Variants in HFM1 observed in about 807,000 individuals in gnomAD.
HFM1 encodes probable ATP-dependent DNA helicase HFM1.
HFM1 carries 169 observed loss-of-function variants against 192.1 expected under a neutral mutation model. The ratio of observed to expected loss-of-function variants is 0.88; its 90% confidence interval spans 0.78 to 1.00. The LOEUF is 1.00. Among genes scored for constraint, HFM1 ranks in the 50% least tolerant of loss-of-function variants. The pLI is 0.00. For synonymous variants in HFM1, 525 were observed against 537.8 expected (o/e 0.98, Z 0.33); for missense variants, 1,661 against 1,668.0 (o/e 1.00, Z 0.07).
Position 91,316,320 on chromosome 1 carries a change from A to C in HFM1, c.2898+71T>G, listed in dbSNP as rs1651214700. 2.8e-6 allele frequency: 3 copies of C among 1,060,084 alleles called. No homozygotes were observed. The African/African-American group carries it at 4.8e-5, about 17-fold the overall frequency. 65.7% of individuals were successfully genotyped at this position (1,060,084 alleles called of 1,614,324 possible). A position where few individuals can be genotyped will look rare whatever the true frequency, so the allele number is the denominator to read the frequency against. ...AAATACTTATAACTATGAGAAGGAAAATAACTTTTAATAGAAATAAAGGTA... is the reference window on the plus strand; with the variant it reads ...AAATACTTATAACTATGAGAAGGAACATAACTTTTAATAGAAATAAAGGTA... On this transcript the variant is annotated intron_variant, in intron 26 of 38. Coordinates refer to ENST00000370425, the MANE Select transcript of HFM1 (RefSeq NM_001017975.6).
rs1457260811 is a variant in HFM1, at chr1:91,385,037, C to T, written c.802+150G>A. Reference sequence around the variant, plus strand: ...GAATTACAGGTGTGAACCACCGCACCCGGCCACATGTACCTCTTACAACAC... The same window carrying T: ...GAATTACAGGTGTGAACCACCGCACTCGGCCACATGTACCTCTTACAACAC... On this transcript the variant is annotated intron_variant, in intron 6 of 38. Coordinates refer to ENST00000370425, the MANE Select transcript of HFM1 (RefSeq NM_001017975.6). 8.9e-6 allele frequency: 5 copies of T among 560,142 alleles called. No homozygotes were observed. The Admixed American group carries it at 1.4e-4, about 16-fold the overall frequency. The allele number at this position is 560,142 out of a possible 1,614,324, so 34.7% of individuals were successfully genotyped here.
chr1:91,325,790 G>C (rs954989637), intron 20 of HFM1, among the ~76,000 whole-genome samples: 1 of 152,112 alleles, frequency 6.6e-6, no homozygotes, highest in Admixed American at 6.5e-5. Context: ...TAGAAAAAGA[G>C]AGATATGTGA....
intron 30 of HFM1, among the ~76,000 whole-genome samples, chr1:91,293,943 G>A (rs1449284792): frequency 2.4e-4 from 35 of 148,558 alleles, no homozygotes; most frequent in African/African-American, 6.0e-4. Context: ...GCAAACTATC[G>A]CAAGAACAAA....
chr1:91,299,888 A>T (rs1484930872), intron 30 of HFM1, among the ~76,000 whole-genome samples: 1 of 152,218 alleles, frequency 6.6e-6, no homozygotes, highest in Admixed American at 6.5e-5. Flanking sequence ...GAGAAGTAAG[A>T]GCAAACACAT....
intron 30 of HFM1, among the ~76,000 whole-genome samples, chr1:91,278,574 A>G (rs1667170088): frequency 6.6e-6 from 1 of 152,160 alleles, no homozygotes; most frequent in Non-Finnish European, 1.5e-5. Flanking sequence ...AAAACTTTAC[A>G]ACATTTCTTG....
chr1:91,265,869 T>G (rs1822056), intron 36 of HFM1, 148 bp downstream of exon 36: 470,908 of 1,065,578 alleles, frequency 0.44, 106,461 homozygotes, highest in African/African-American at 0.64. Flanking sequence ...AACAGCACTT[T>G]GAGAAATACA....
intron 11 of HFM1, chr1:91,377,735 C>A: frequency 8.0e-6 from 3 of 375,960 alleles, no homozygotes; most frequent in Non-Finnish European, 1.4e-5. Context: ...ACAACCATCA[C>A]ATATTGTTAG....
chr1:91,321,412 T>A (rs1652085510), intron 23 of HFM1, among the ~76,000 whole-genome samples: 1 of 151,700 alleles, frequency 6.6e-6, no homozygotes, highest in African/African-American at 2.4e-5. Context: ...CCCTTGCACT[T>A]GAGCCTGGGC....
chr1:91,302,586 G>T (rs6605056), intron 30 of HFM1, among the ~76,000 whole-genome samples: 152,020 of 152,202 alleles, frequency 1, 75,919 homozygotes, highest in Non-Finnish European at 1. Flanking sequence ...ATATACACCA[G>T]GGAATACTAT....
At chr1:91,287,402 C>G (rs1321903140) in intron 30 of HFM1, among the ~76,000 whole-genome samples, 1 of 152,064 alleles carries the variant, frequency 6.6e-6, no homozygotes, top group Non-Finnish European at 1.5e-5. Context: ...CAGGGGCAGA[C>G]TGACACCTCA....
intron 13 of HFM1, among the ~76,000 whole-genome samples, chr1:91,373,350 T>C (rs1185115703): frequency 6.6e-6 from 1 of 152,066 alleles, no homozygotes; most frequent in Non-Finnish European, 1.5e-5. Context: ...TATCCACATG[T>C]CCAATTTTAG....
At chr1:91,298,351 T>C (rs897596681) in intron 30 of HFM1, among the ~76,000 whole-genome samples, 4 of 152,202 alleles carry the variant, frequency 2.6e-5, no homozygotes, top group African/African-American at 9.7e-5. Flanking sequence ...GGAACCAAGT[T>C]GGAAAACGCT....
intron 6 of HFM1, among the ~76,000 whole-genome samples, chr1:91,384,512 C>A (rs1661935883): frequency 6.6e-6 from 1 of 152,052 alleles, no homozygotes; most frequent in South Asian, 2.1e-4. Context: ...TGTCCCCAAT[C>A]CACACAATAT....
In HFM1 at chr1:91,324,768, T is replaced by C. The variant is rs1557851958; in HGVS notation, c.2336-2A>G. 2 of 1,525,708 alleles carry C rather than the reference T, an allele frequency of 1.3e-6. No homozygotes were observed. The highest frequency in any genetic ancestry group is 1.7e-5 in the Admixed American group (1 of 59,288). The allele number at this position is 1,525,708 out of a possible 1,614,324, so 94.5% of individuals were successfully genotyped here. The stretch of plus-strand genomic sequence containing the variant: ...ACCAAGCCATCAATCTTCCTGCTTC[T>C]GTAAGAAAAGACAGAAAAATGAACG... On this transcript the variant is annotated splice_acceptor_variant, in intron 20 of 38. Coordinates refer to ENST00000370425, the MANE Select transcript of HFM1 (RefSeq NM_001017975.6). LOFTEE classifies it high-confidence loss of function.
At chr1:91,392,095 C>T (rs1663066901) in intron 4 of HFM1, among the ~76,000 whole-genome samples, 1 of 152,098 alleles carries the variant, frequency 6.6e-6, no homozygotes, top group Admixed American at 6.6e-5. Flanking sequence ...AGTCAGGAAA[C>T]AACAGGTGCT....
intron 20 of HFM1, among the ~76,000 whole-genome samples, chr1:91,339,693 G>A (rs1189666595): frequency 6.6e-6 from 1 of 151,214 alleles, no homozygotes; most frequent in Non-Finnish European, 1.5e-5. Context: ...GAAAGAGAGG[G>A]AGAGAGAGAG....
chr1:91,287,733 C>G (rs1212880700), intron 30 of HFM1, among the ~76,000 whole-genome samples: 4 of 151,438 alleles, frequency 2.6e-5, no homozygotes, highest in African/African-American at 9.7e-5. Flanking sequence ...GGAGGACATT[C>G]AAACCAAAGG....
At chr1:91,293,715 C>A (rs2100961718) in intron 30 of HFM1, among the ~76,000 whole-genome samples, 1 of 151,674 alleles carries the variant, frequency 6.6e-6, no homozygotes, top group East Asian at 1.9e-4. Flanking sequence ...ACCCAAAGGA[C>A]TATAAATCAT....
chr1:91,401,730 A>G (rs1285576990), intron 1 of HFM1, among the ~76,000 whole-genome samples: 1 of 152,202 alleles, frequency 6.6e-6, no homozygotes. Flanking sequence ...AAAAATTACA[A>G]GTTTAACATA....
Sources: gnomAD v4.1 joint callset for allele counts (sites outside exome capture counted in the v4.1 genomes callset) on GRCh38, gnomAD v4.1.1 for gene constraint, MANE v1.5 for transcripts, NCBI Gene and HGNC (gene_info 2026-07-23, HGNC 2026-07-21) for gene names.